The following ERBB4 variants were observed in gnomAD, a reference collection of about 807,000 sequenced individuals.
The protein encoded by ERBB4 is receptor tyrosine-protein kinase erbB-4.
In ERBB4, 42 loss-of-function variants were observed where a neutral mutation model predicts 158.0. That is an observed-to-expected ratio of 0.27 (90% CI 0.21 to 0.34). The LOEUF is 0.34. Ranked by LOEUF, ERBB4 falls within the 10% of genes least tolerant of loss-of-function variation. The pLI is 1.00. For missense variants in ERBB4, 1,333 were observed against 1,624.1 expected (o/e 0.82, Z 3.08); for synonymous variants, 583 against 558.7 (o/e 1.04, Z -0.61).
intron 1 of ERBB4, among the ~76,000 whole-genome samples, chr2:212,405,053 T>G (rs1254301081): frequency 2.0e-5 from 3 of 152,068 alleles, no homozygotes; most frequent in Admixed American, 2.0e-4. Context: ...AGTCTATCAT[T>G]AATTGGCATT....
chr2:211,621,978 G>A (rs545293283), intron 18 of ERBB4, among the ~76,000 whole-genome samples: 1 of 152,028 alleles, frequency 6.6e-6, no homozygotes, highest in East Asian at 1.9e-4. Context: ...ATTCAGGTGG[G>A]GAAAAATCCT....
At chr2:211,822,487 G>A (rs2077016831) in intron 3 of ERBB4, among the ~76,000 whole-genome samples, 1 of 151,868 alleles carries the variant, frequency 6.6e-6, no homozygotes, top group African/African-American at 2.4e-5. Context: ...GTAGCTGATG[G>A]AGTTGCAATA....
At chr2:211,693,706 T>A (rs1306601202) in intron 12 of ERBB4, among the ~76,000 whole-genome samples, 1 of 152,192 alleles carries the variant, frequency 6.6e-6, no homozygotes, top group Non-Finnish European at 1.5e-5. Flanking sequence ...ACTGTCTGTG[T>A]TAGTTCCATA....
At chr2:211,560,266 T>TTTTTTTTTTTTTA (rs2067352745) in intron 20 of ERBB4, among the ~76,000 whole-genome samples, 1 of 97,616 alleles carries the variant, frequency 1.0e-5, no homozygotes. Flanking sequence ...GCTTAGCTTT[T>TTTTTTTTTTTTTA]TTTTTTTTTT....
intron 3 of ERBB4, among the ~76,000 whole-genome samples, chr2:211,888,566 C>G (rs993427646): frequency 1.3e-5 from 2 of 152,318 alleles, no homozygotes; most frequent in African/African-American, 2.4e-5. Context: ...TGAATAGGAA[C>G]AGCTCCGGTC....
intron 1 of ERBB4, among the ~76,000 whole-genome samples, chr2:212,321,628 G>T (rs577668410): frequency 6.6e-6 from 1 of 150,716 alleles, no homozygotes; most frequent in Admixed American, 6.6e-5. Flanking sequence ...GTTCAAGGCT[G>T]CAATAAACTA....
chr2:211,682,049 ATC>A (rs1491144406), intron 12 of ERBB4, among the ~76,000 whole-genome samples: 2 of 58,490 alleles, frequency 3.4e-5, no homozygotes, highest in Admixed American at 2.1e-4. Flanking sequence ...TTTTATACAC[ATC>A]ACACACACAC....
chr2:211,579,090 A>G (rs1352958756), intron 19 of ERBB4, among the ~76,000 whole-genome samples: 1 of 152,180 alleles, frequency 6.6e-6, no homozygotes, highest in Non-Finnish European at 1.5e-5. Flanking sequence ...CAAAGAATTT[A>G]AACAATTTTA....
intron 3 of ERBB4, among the ~76,000 whole-genome samples, chr2:211,799,758 A>G (rs144426615): frequency 1.3e-5 from 2 of 152,148 alleles, no homozygotes; most frequent in Non-Finnish European, 2.9e-5. Flanking sequence ...GCCATGCAAC[A>G]CATGTTCAGT....
chr2:212,110,307 C>A (rs917445868), intron 2 of ERBB4, among the ~76,000 whole-genome samples: 33 of 152,184 alleles, frequency 2.2e-4, no homozygotes, highest in African/African-American at 7.7e-4. Context: ...TTATCCAAAT[C>A]CACCCGTCCC....
chr2:211,377,472 CAAAAGT>C lies in ERBB4; in HGVS notation c.*6137_*6142del. ...TGAAAAGAAAAACGTCCATAAAGAG[CAAAAGT>C]AGGTAAAGGATGGCATTCTATTAAA... On this transcript the variant is annotated 3_prime_UTR_variant, in exon 28 of 28. Coordinates refer to ENST00000342788, the MANE Select transcript of ERBB4 (RefSeq NM_005235.3). 1 of 232,942 alleles carries C rather than the reference CAAAAGT, an allele frequency of 4.3e-6. No individual in the cohort carries two copies. The allele number at this position is 232,942 out of a possible 1,614,324, so 14.4% of individuals were successfully genotyped here.
chr2:211,518,395 T>A (rs80212482), intron 20 of ERBB4, among the ~76,000 whole-genome samples: 257 of 14,876 alleles, frequency 0.017, 4 homozygotes, highest in African/African-American at 0.063. Context: ...GAAAAGAGTT[T>A]GTGTAATCCC....
intron 2 of ERBB4, among the ~76,000 whole-genome samples, chr2:211,951,557 T>C (rs2080876550): frequency 6.6e-6 from 1 of 152,154 alleles, no homozygotes; most frequent in South Asian, 2.1e-4. Context: ...TATTTATATT[T>C]GAATTAATTG....
chr2:212,145,496 G>A (rs1319211913), intron 1 of ERBB4, among the ~76,000 whole-genome samples: 2 of 152,086 alleles, frequency 1.3e-5, no homozygotes. Context: ...AAAAGCTAAA[G>A]AGAAAGGGAG....
intron 2 of ERBB4, among the ~76,000 whole-genome samples, chr2:212,044,146 G>C (rs1249272039): frequency 6.6e-6 from 1 of 152,058 alleles, no homozygotes; most frequent in Non-Finnish European, 1.5e-5. Flanking sequence ...CTACACGGTA[G>C]TGTCTCCCAA....
chr2:211,949,109 C>G (rs1429286095), intron 2 of ERBB4, among the ~76,000 whole-genome samples: 2 of 152,128 alleles, frequency 1.3e-5, no homozygotes, highest in Non-Finnish European at 2.9e-5. Context: ...TCAGAATGAT[C>G]AGAAACTCAA....
chr2:212,193,216 C>T (rs1419152529), intron 1 of ERBB4, among the ~76,000 whole-genome samples: 1 of 152,072 alleles, frequency 6.6e-6, no homozygotes, highest in East Asian at 1.9e-4. Flanking sequence ...ACTAATTTGC[C>T]ATCTTGTCCA....
chr2:212,420,806 C>G (rs979318775), intron 1 of ERBB4, among the ~76,000 whole-genome samples: 1 of 152,112 alleles, frequency 6.6e-6, no homozygotes, highest in Non-Finnish European at 1.5e-5. Flanking sequence ...GGCTGTCTTT[C>G]CAGACAAATG....
chr2:212,257,342 G>A (rs1269116315), intron 1 of ERBB4, among the ~76,000 whole-genome samples: 1 of 152,048 alleles, frequency 6.6e-6, no homozygotes, highest in Non-Finnish European at 1.5e-5. Flanking sequence ...TTGTAATTCT[G>A]AAGTAATTAG....
Sources: gnomAD v4.1 joint callset for allele counts (sites outside exome capture counted in the v4.1 genomes callset) on GRCh38, gnomAD v4.1.1 for gene constraint, MANE v1.5 for transcripts, NCBI Gene and HGNC (gene_info 2026-07-23, HGNC 2026-07-21) for gene names.